VAMP7: variants seen among roughly 807,000 people sequenced by gnomAD.
The protein encoded by VAMP7 is vesicle-associated membrane protein 7.
Under a neutral mutation model 29.6 loss-of-function variants are expected in VAMP7, and 14 were observed. The observed-to-expected ratio is 0.47, with a 90% CI of 0.31 to 0.74. VAMP7 has a LOEUF of 0.74. VAMP7 is among the 30% of genes least tolerant of loss of function. VAMP7 has a pLI of 0.05. For synonymous variants in VAMP7, 95 were observed against 88.1 expected, an observed-to-expected ratio of 1.08 and a Z score of -0.44; for missense variants, 223 against 262.4, an observed-to-expected ratio of 0.85 and a Z score of 1.04.
At chrX:155,925,031 T>G (rs1232009373) in intron 6 of VAMP7, among the ~76,000 whole-genome samples, 1 of 152,208 alleles carries the variant, frequency 6.6e-6, no homozygotes, top group African/African-American at 2.4e-5. Context: ...TTCATTAAAG[T>G]TTTATCAAGA....
chrX:155,920,535 A>G (rs5940432), intron 6 of VAMP7, among the ~76,000 whole-genome samples: 230 of 152,302 alleles, frequency 1.5e-3, no homozygotes, highest in African/African-American at 5.3e-3. Flanking sequence ...GCAGGTTTAC[A>G]CCTTGAAAGA....
Position 155,889,618 on chromosome X carries a change from T to C in VAMP7, c.146+6T>C. 6.2e-7 allele frequency: 1 copy of C among 1,613,694 alleles called. No homozygotes were observed. The highest frequency in any genetic ancestry group is 1.1e-5 in the South Asian group (1 of 91,020). On this transcript the variant is annotated splice_donor_region_variant and intron_variant, in intron 2 of 7. Transcript: ENST00000286448. ...CTAACGTACTCACATGGCAAGTGAG[T>C]TCTGTTCTGCATGTGGTAAGGGATG... is the stretch of plus-strand genomic sequence containing the variant.
At chrX:155,929,527 C>A (rs1395222198) in intron 6 of VAMP7, among the ~76,000 whole-genome samples, 1 of 152,122 alleles carries the variant, frequency 6.6e-6, no homozygotes, top group African/African-American at 2.4e-5. Context: ...TTATATACCT[C>A]ACATAGCTCA....
At chrX:155,884,369 C>T (rs1349972351) in intron 1 of VAMP7, among the ~76,000 whole-genome samples, 1 of 150,840 alleles carries the variant, frequency 6.6e-6, no homozygotes, top group Admixed American at 6.6e-5. Context: ...TTGGGTGATC[C>T]GCCCGCCTCA....
intron 5 of VAMP7, among the ~76,000 whole-genome samples, chrX:155,903,757 C>G (rs1002784345): frequency 4.3e-4 from 65 of 152,132 alleles, no homozygotes; most frequent in African/African-American, 1.0e-3. Flanking sequence ...CACAGTTGGT[C>G]GGACTGTAAA....
intron 6 of VAMP7, among the ~76,000 whole-genome samples, chrX:155,935,589 T>G (rs186477701): frequency 3.0e-4 from 45 of 152,262 alleles, no homozygotes; most frequent in African/African-American, 1.1e-3. Flanking sequence ...GTTATTCTAG[T>G]TAGCCATTCA....
At chrX:155,934,460 T>G (rs1367334712) in intron 6 of VAMP7, among the ~76,000 whole-genome samples, 1 of 152,320 alleles carries the variant, frequency 6.6e-6, no homozygotes, top group East Asian at 1.9e-4. Context: ...TGTAATGGCC[T>G]TCTTTGTCTC....
chrX:155,906,035 T>C (rs1602951866), intron 5 of VAMP7, among the ~76,000 whole-genome samples: 2 of 18,958 alleles, frequency 1.1e-4, no homozygotes, highest in Non-Finnish European at 1.9e-4. Context: ...TTTCTTTCTA[T>C]TCATTTAGGT....
At chrX:155,930,488 A>C (rs1331664936) in intron 6 of VAMP7, among the ~76,000 whole-genome samples, 1 of 49,362 alleles carries the variant, frequency 2.0e-5, no homozygotes, top group Non-Finnish European at 4.7e-5. Flanking sequence ...ACAAAACCAA[A>C]CAAAAAAAAA....
intron 5 of VAMP7, among the ~76,000 whole-genome samples, chrX:155,909,128 G>C (rs989489051): frequency 4.6e-5 from 7 of 152,106 alleles, no homozygotes; most frequent in African/African-American, 1.7e-4. Flanking sequence ...TGCCCGGCCT[G>C]AAGTTTTAAA....
At chrX:155,931,253 A>G (rs776005538) in intron 6 of VAMP7, among the ~76,000 whole-genome samples, 2 of 152,266 alleles carry the variant, frequency 1.3e-5, no homozygotes, top group South Asian at 2.1e-4. Flanking sequence ...GTCAAATGGT[A>G]TTTCTACTTC....
intron 6 of VAMP7, among the ~76,000 whole-genome samples, chrX:155,926,775 C>G (rs966198817): frequency 1.3e-5 from 2 of 152,124 alleles, no homozygotes; most frequent in African/African-American, 4.8e-5. Flanking sequence ...TTATTTTTAT[C>G]TTTTGATTTA....
intron 5 of VAMP7, among the ~76,000 whole-genome samples, chrX:155,913,822 G>A (rs1281225747): frequency 6.6e-6 from 1 of 152,114 alleles, no homozygotes; most frequent in African/African-American, 2.4e-5. Flanking sequence ...CTCCAGCTTT[G>A]TTCTTCTTGC....
chrX:155,902,270 T>A (rs1446100021), intron 5 of VAMP7, among the ~76,000 whole-genome samples: 1 of 152,058 alleles, frequency 6.6e-6, no homozygotes, highest in Non-Finnish European at 1.5e-5. Flanking sequence ...GATTTTGGGC[T>A]GAGACAATGG....
chrX:155,942,012 G>A lies in VAMP7; in HGVS notation c.*61G>A. On this transcript the variant is annotated 3_prime_UTR_variant, in exon 8 of 8. Coordinates refer to ENST00000286448, the MANE Select transcript of VAMP7 (RefSeq NM_005638.6). ...GAACAAGGAGTTAAAAGCAATCCAT[G>A]TGACTCAAGCCTTTCACATACTGAC... 6.2e-7 allele frequency: 1 copy of A among 1,613,116 alleles called. No homozygotes were observed.
intron 1 of VAMP7, among the ~76,000 whole-genome samples, chrX:155,883,518 G>C (rs1179274791): frequency 2.0e-5 from 3 of 151,982 alleles, no homozygotes; most frequent in Non-Finnish European, 4.4e-5. Flanking sequence ...ATGAACTCTT[G>C]CAAGAATTAA....
chrX:155,882,418 A>T (rs1387189557), intron 1 of VAMP7, among the ~76,000 whole-genome samples: 1 of 152,240 alleles, frequency 6.6e-6, no homozygotes, highest in African/African-American at 2.4e-5. Flanking sequence ...TCCTATCCTA[A>T]GAAAGTCAGA....
chrX:155,931,420 G>A (rs920837763), intron 6 of VAMP7, among the ~76,000 whole-genome samples: 1 of 152,078 alleles, frequency 6.6e-6, no homozygotes, highest in Non-Finnish European at 1.5e-5. Flanking sequence ...GTGTGAGATG[G>A]TATCTCATTG....
At chrX:155,888,589 G>A (rs2065892101) in intron 1 of VAMP7, among the ~76,000 whole-genome samples, 1 of 152,066 alleles carries the variant, frequency 6.6e-6, no homozygotes, top group Non-Finnish European at 1.5e-5. Flanking sequence ...CTTGTTAGGT[G>A]GGAAATAATA....
Sources: gnomAD v4.1 joint callset for allele counts (sites outside exome capture counted in the v4.1 genomes callset) on GRCh38, gnomAD v4.1.1 for gene constraint, MANE v1.5 for transcripts, NCBI Gene and HGNC (gene_info 2026-07-23, HGNC 2026-07-21) for gene names.